The following CCM2 variants were observed in gnomAD, a reference collection of about 807,000 sequenced individuals.
CCM2 encodes the protein cerebral cavernous malformations 2 protein.
Under a neutral mutation model 44.9 loss-of-function variants are expected in CCM2, and 25 were observed. The ratio of observed to expected loss-of-function variants is 0.56; its 90% CI spans 0.41 to 0.78. The LOEUF is 0.78. Among genes scored for constraint, CCM2 ranks in the 30% least tolerant of loss-of-function variants. CCM2 has a pLI of 0.00. For missense variants in CCM2, 481 were observed against 580.6 expected (o/e 0.83, Z 1.76); for synonymous variants, 219 against 241.1 (o/e 0.91, Z 0.85).
chr7:45,065,409 G>A (rs1406043982), intron 4 of CCM2, among the ~76,000 whole-genome samples: 1 of 152,200 alleles, frequency 6.6e-6, no homozygotes, highest in Middle Eastern at 3.2e-3. Flanking sequence ...GCTGGTGACT[G>A]GGTTGATCCC....
chr7:45,036,938 TCTC>T (rs921806947), intron 1 of CCM2, among the ~76,000 whole-genome samples: 7 of 152,258 alleles, frequency 4.6e-5, no homozygotes, highest in South Asian at 2.1e-4. Context: ...AGTGTTGTCA[TCTC>T]CTCCTGCGTT....
At chr7:45,068,018 T>G in intron 4 of CCM2, 1 of 261,544 alleles carries the variant, frequency 3.8e-6, no homozygotes, top group Non-Finnish European at 7.6e-6. Flanking sequence ...GGCACTGGGG[T>G]CTGACCGTCT....
At chr7:45,057,222 G>A (rs10251894) in intron 2 of CCM2, among the ~76,000 whole-genome samples, 1,917 of 151,800 alleles carry the variant, frequency 0.013, 19 homozygotes, top group Middle Eastern at 0.027. Context: ...GAGTGCAGTG[G>A]TATGATCTCG....
intron 1 of CCM2, among the ~76,000 whole-genome samples, chr7:45,014,918 G>A (rs1796206785): frequency 6.6e-6 from 1 of 152,146 alleles, no homozygotes; most frequent in African/African-American, 2.4e-5. Context: ...CACCATGCCC[G>A]GCCAGTCTTA....
chr7:45,042,284 TC>T (rs1243496963), intron 2 of CCM2, among the ~76,000 whole-genome samples: 1 of 66,306 alleles, frequency 1.5e-5, no homozygotes, highest in East Asian at 4.7e-4. Flanking sequence ...AAGGTGCCGT[TC>T]CCTTCCCTTC....
intron 2 of CCM2, among the ~76,000 whole-genome samples, chr7:45,059,008 G>A (rs913820170): frequency 6.7e-6 from 1 of 149,692 alleles, no homozygotes; most frequent in Non-Finnish European, 1.5e-5. Context: ...GCCTCTCAAA[G>A]TGCTGGGATT....
chr7:45,064,007 C>T lies in CCM2; in HGVS notation c.288+6C>T. ...ATTTCATAGACAATGCAAAGGTAAC[C>T]CTATCCTCTTAACCCTGTGCACTAG... On this transcript the variant is annotated splice_donor_region_variant and intron_variant, in intron 3 of 9. Coordinates refer to ENST00000258781, the MANE Select transcript of CCM2 (RefSeq NM_031443.4). The T allele has an allele frequency of 6.2e-7, 1 of 1,600,250 alleles. No individual in the cohort carries two copies.
chr7:45,001,189 T>C lies in CCM2; in HGVS notation c.30+826T>C, dbSNP rs898039472. Among the ~76,000 whole-genome samples the C allele has an allele frequency of 2.0e-5, 3 of 152,202 alleles. 1 individual carries two copies. The highest frequency in any genetic ancestry group is 4.4e-5 in the Non-Finnish European group (3 of 68,028). On this transcript the variant is annotated intron_variant, in intron 1 of 9. Transcript: ENST00000258781. ...AACTCTGCAGGGAAGTGTCCTTTAA[T>C]TGACAGCTACTCACCACCTTGTTTG... is the stretch of plus-strand genomic sequence containing the variant.
At chr7:45,052,078 G>T (rs963229324) in intron 2 of CCM2, among the ~76,000 whole-genome samples, 1 of 152,252 alleles carries the variant, frequency 6.6e-6, no homozygotes, top group Admixed American at 6.5e-5. Context: ...CCAAGGTGAT[G>T]ATGGTACTTG....
intron 2 of CCM2, among the ~76,000 whole-genome samples, chr7:45,039,906 AATCC>A (rs1797400795): frequency 6.6e-6 from 1 of 152,058 alleles, no homozygotes; most frequent in Non-Finnish European, 1.5e-5. Context: ...AGGCGCCTGT[AATCC>A]CAGCTACTTG....
chr7:45,006,418 G>C (rs144049277), intron 1 of CCM2, among the ~76,000 whole-genome samples: 1 of 151,344 alleles, frequency 6.6e-6, no homozygotes, highest in African/African-American at 2.4e-5. Flanking sequence ...ATCTTGGCTC[G>C]CTGCAAGCTC....
chr7:45,074,229 C>T (rs1394566470), intron 8 of CCM2, 41 bp from the exon 9 acceptor site: 1 of 1,612,742 alleles, frequency 6.2e-7, no homozygotes, highest in African/African-American at 1.3e-5. Context: ...CGACTCTTGC[C>T]TACTGTGCCC....
At chr7:45,069,698 C>A in intron 5 of CCM2, 128 bp from the exon 6 acceptor site, 1 of 1,213,480 alleles carries the variant, frequency 8.2e-7, no homozygotes, top group Non-Finnish European at 1.2e-6. Context: ...GGCAGAGGGA[C>A]ACATTCTGGT....
chr7:45,059,202 A>G (rs1798407983), intron 2 of CCM2, among the ~76,000 whole-genome samples: 1 of 152,140 alleles, frequency 6.6e-6, no homozygotes, highest in South Asian at 2.1e-4. Context: ...TGAACATTGA[A>G]TTAGCCTTGC....
At chr7:45,004,469 GT>G (rs1795766077) in intron 1 of CCM2, among the ~76,000 whole-genome samples, 1 of 152,116 alleles carries the variant, frequency 6.6e-6, no homozygotes, top group Admixed American at 6.6e-5. Context: ...GATCCTCTAG[GT>G]TACAGGCCCT....
chr7:45,067,617 T>A (rs1209307348), intron 4 of CCM2: 1 of 152,358 alleles, frequency 6.6e-6, no homozygotes, highest in Non-Finnish European at 1.5e-5. Flanking sequence ...CATTTCAATG[T>A]GGGCTCATCA....
chr7:45,075,769 G>T lies in CCM2; in HGVS notation c.1055-8G>T, dbSNP rs772753973. 2 of 1,613,524 alleles carry T rather than the reference G, an allele frequency of 1.2e-6. No individual in the cohort carries two copies. Among genetic ancestry groups the T allele is most frequent in the Non-Finnish European group, 1.7e-6 (2 of 1,180,020 alleles). ...GGAGGTGCCATGCTGGGTGTTGTGT[G>T]TCTGCAGGTCTGAGGCCCTTCATCC... is the stretch of plus-strand genomic sequence containing the variant. On this transcript the variant is annotated splice_polypyrimidine_tract_variant and splice_region_variant and intron_variant, in intron 9 of 9. Coordinates refer to ENST00000258781, the MANE Select transcript of CCM2 (RefSeq NM_031443.4).
rs138480243 is a variant in CCM2, at chr7:45,044,264, G to T, written c.204+5838G>T. Among the ~76,000 whole-genome samples, 1,204 of 152,280 alleles carry T rather than the reference G, an allele frequency of 7.9e-3. 17 individuals are homozygous for T. Among genetic ancestry groups the T allele is most frequent in the African/African-American group, 0.027 (1,130 of 41,542 alleles). On this transcript the variant is annotated intron_variant, in intron 2 of 9. Transcript: ENST00000258781. ...TTCTCCTGCTTCAGCCTCCCGAGTGGCTGGGACTGCAGAAGCCTGCCACCA... is the reference window on the plus strand; with the variant it reads ...TTCTCCTGCTTCAGCCTCCCGAGTGTCTGGGACTGCAGAAGCCTGCCACCA...
At chr7:45,017,421 T>C (rs572874474) in intron 1 of CCM2, among the ~76,000 whole-genome samples, 30 of 152,190 alleles carry the variant, frequency 2.0e-4, no homozygotes, top group Non-Finnish European at 4.4e-4. Flanking sequence ...AGCTATAGTT[T>C]TGGCTTGTGG....
Sources: gnomAD v4.1 joint callset for allele counts (sites outside exome capture counted in the v4.1 genomes callset) on GRCh38, gnomAD v4.1.1 for gene constraint, MANE v1.5 for transcripts, NCBI Gene and HGNC (gene_info 2026-07-23, HGNC 2026-07-21) for gene names.